SNAP25: variants seen among roughly 807,000 people sequenced by gnomAD.
The protein encoded by SNAP25 is synaptosomal-associated protein 25.
A neutral mutation model predicts 28.7 loss-of-function variants in SNAP25; 3 were observed. That is an observed-to-expected ratio of 0.10 (90% CI 0.05 to 0.27). SNAP25 has a LOEUF of 0.27. Among genes scored for constraint, SNAP25 ranks in the 10% least tolerant of loss-of-function variants. The pLI is 1.00. For synonymous variants in SNAP25, 61 were observed against 88.1 expected, an observed-to-expected ratio of 0.69 and a Z score of 1.72; for missense variants, 117 against 278.7, an observed-to-expected ratio of 0.42 and a Z score of 4.13.
chr20:10,232,635 T>C (rs1358824709), intron 1 of SNAP25, among the ~76,000 whole-genome samples: 1 of 152,164 alleles, frequency 6.6e-6, no homozygotes, highest in Admixed American at 6.5e-5. Context: ...AGATTGTGCC[T>C]CCACCATAGA....
intron 1 of SNAP25, among the ~76,000 whole-genome samples, chr20:10,225,286 C>A (rs2062716124): frequency 6.6e-6 from 1 of 151,222 alleles, no homozygotes. Context: ...ATTTCAATGT[C>A]TTTCCACCAA....
At chr20:10,275,859 T>C in intron 2 of SNAP25, among the ~76,000 whole-genome samples, 1 of 152,212 alleles carries the variant, frequency 6.6e-6, no homozygotes, top group East Asian at 1.9e-4. Context: ...AGTGCTATGC[T>C]GGAGAAGGCT....
intron 1 of SNAP25, among the ~76,000 whole-genome samples, chr20:10,264,605 G>A (rs1424966285): frequency 6.6e-6 from 1 of 152,160 alleles, no homozygotes; most frequent in Admixed American, 6.5e-5. Flanking sequence ...GATCAAGATG[G>A]CCTCCTCAAT....
rs996921842 is a variant in SNAP25 at position 10,307,270 on chromosome 20, A to T, written c.*1073A>T. 6 of 152,660 alleles carry T rather than the reference A, an allele frequency of 3.9e-5. No homozygotes were observed. Among genetic ancestry groups the T allele is most frequent in the Non-Finnish European group, 8.8e-5 (6 of 68,024 alleles). The allele number at this position is 152,660 out of a possible 1,614,324, so 9.5% of individuals were successfully genotyped here. On this transcript the variant is annotated 3_prime_UTR_variant, in exon 8 of 8. Coordinates refer to ENST00000254976, the MANE Select transcript of SNAP25 (RefSeq NM_130811.4). ...TTAGTAGCTGATAAAGAAACCTTTT[A>T]AAAAAATAATATAAATGAATGAAAT...
chr20:10,248,064 T>C (rs1420803282), intron 1 of SNAP25, among the ~76,000 whole-genome samples: 2 of 152,194 alleles, frequency 1.3e-5, no homozygotes, highest in African/African-American at 4.8e-5. Context: ...GTTGCATGGA[T>C]ACAAAGACGG....
In SNAP25 at chr20:10,306,111, C is replaced by A; in HGVS notation, c.553-18C>A. 1 of 1,612,850 alleles carries A rather than the reference C, an allele frequency of 6.2e-7. No individual in the cohort carries two copies. Among genetic ancestry groups the A allele is most frequent in the Non-Finnish European group, 8.5e-7 (1 of 1,179,172 alleles). On this transcript the variant is annotated intron_variant, in intron 7 of 7. Transcript: ENST00000254976. The stretch of plus-strand genomic sequence containing the variant: ...TTAAGGGGTAACCTGAGTTCTGTTT[C>A]TTTTCCCCCTTTTCTAGGCTGATTC...
intron 1 of SNAP25, among the ~76,000 whole-genome samples, chr20:10,243,739 T>G (rs1163183639): frequency 6.6e-6 from 1 of 152,200 alleles, no homozygotes; most frequent in Admixed American, 6.5e-5. Flanking sequence ...AATATTACGC[T>G]CCGTTATTTG....
chr20:10,287,177 G>A (rs1475452194), intron 4 of SNAP25, among the ~76,000 whole-genome samples: 1 of 152,006 alleles, frequency 6.6e-6, no homozygotes, highest in African/African-American at 2.4e-5. Context: ...TTAAACTAAA[G>A]AGCTTCTGCA....
At chr20:10,241,695 C>G (rs753198490) in intron 1 of SNAP25, among the ~76,000 whole-genome samples, 22 of 152,028 alleles carry the variant, frequency 1.4e-4, no homozygotes, top group Non-Finnish European at 2.8e-4. Flanking sequence ...GTGTTGCAGA[C>G]AGTTCATGCC....
chr20:10,258,772 C>T (rs2122870872), intron 1 of SNAP25, among the ~76,000 whole-genome samples: 1 of 152,324 alleles, frequency 6.6e-6, no homozygotes, highest in South Asian at 2.1e-4. Context: ...CCATCATTGA[C>T]TCCCACAATC....
chr20:10,277,824 A>G, intron 3 of SNAP25, 98 bp downstream of exon 3: 5 of 1,128,664 alleles, frequency 4.4e-6, no homozygotes, highest in Non-Finnish European at 6.6e-6. Flanking sequence ...ATGATCCCCT[A>G]GATTCCAGTG....
At chr20:10,279,292 G>C (rs1428470439) in intron 3 of SNAP25, among the ~76,000 whole-genome samples, 1 of 152,202 alleles carries the variant, frequency 6.6e-6, no homozygotes, top group Admixed American at 6.5e-5. Context: ...CCTGAAGGGA[G>C]CCTAGAAATC....
intron 4 of SNAP25, chr20:10,292,836 C>A (rs1455030408): frequency 8.2e-7 from 1 of 1,223,290 alleles, no homozygotes; most frequent in Non-Finnish European, 1.2e-6. Context: ...CTGTTGGAGA[C>A]CCCCAAAAAA....
intron 3 of SNAP25, among the ~76,000 whole-genome samples, chr20:10,279,032 T>C (rs1251884129): frequency 6.6e-6 from 1 of 152,166 alleles, no homozygotes; most frequent in Non-Finnish European, 1.5e-5. Flanking sequence ...AAGGCAGCCC[T>C]AGCAAAGCAG....
intron 1 of SNAP25, among the ~76,000 whole-genome samples, chr20:10,273,580 G>C (rs1187787548): frequency 6.6e-6 from 1 of 152,154 alleles, no homozygotes; most frequent in African/African-American, 2.4e-5. Context: ...CTGGCAGAAG[G>C]AGAAACAGAG....
At chr20:10,235,714 T>C (rs1419491701) in intron 1 of SNAP25, among the ~76,000 whole-genome samples, 1 of 152,234 alleles carries the variant, frequency 6.6e-6, no homozygotes. Flanking sequence ...AATTGGTAGA[T>C]TGGCTGGAGC....
intron 1 of SNAP25, among the ~76,000 whole-genome samples, chr20:10,239,515 G>T (rs949516865): frequency 5.3e-5 from 8 of 152,242 alleles, no homozygotes; most frequent in Non-Finnish European, 1.2e-4. Context: ...TTTGGTGGCT[G>T]CAGGCAGGTG....
intron 1 of SNAP25, among the ~76,000 whole-genome samples, chr20:10,242,977 C>T (rs2063062118): frequency 6.6e-6 from 1 of 152,202 alleles, no homozygotes; most frequent in Non-Finnish European, 1.5e-5. Flanking sequence ...GTCCCCTGCT[C>T]TGTGATTGCA....
intron 1 of SNAP25, among the ~76,000 whole-genome samples, chr20:10,234,338 G>T (rs911520573): frequency 1.3e-5 from 2 of 152,162 alleles, no homozygotes; most frequent in Admixed American, 1.3e-4. Flanking sequence ...AGGGATGAAG[G>T]TTAGCCAGAT....
Sources: gnomAD v4.1 joint callset for allele counts (sites outside exome capture counted in the v4.1 genomes callset) on GRCh38, gnomAD v4.1.1 for gene constraint, MANE v1.5 for transcripts, NCBI Gene and HGNC (gene_info 2026-07-23, HGNC 2026-07-21) for gene names.